Variants in ADGRL2 observed in about 807,000 individuals in gnomAD.
The protein encoded by ADGRL2 is calcium-independent alpha-latrotoxin receptor 2.
Under a neutral mutation model 157.4 loss-of-function variants are expected in ADGRL2, and 44 were observed. The ratio of observed to expected loss-of-function variants is 0.28; its 90% CI spans 0.22 to 0.36. The LOEUF is 0.36. Ranked by LOEUF, ADGRL2 falls within the 10% of genes least tolerant of loss-of-function variation. ADGRL2 has a pLI of 1.00. For synonymous variants in ADGRL2, 585 were observed against 624.7 expected, an observed-to-expected ratio of 0.94 and a Z score of 0.95; for missense variants, 1,510 against 1,768.9, an observed-to-expected ratio of 0.85 and a Z score of 2.63.
intron 1 of ADGRL2, among the ~76,000 whole-genome samples, chr1:81,344,618 A>T (rs770032158): frequency 1.7e-4 from 24 of 144,622 alleles, no homozygotes; most frequent in Non-Finnish European, 3.0e-4. Context: ...GTGAGCCGAG[A>T]TCATGCCATT....
chr1:81,825,506 G>C (rs1266584641), intron 1 of ADGRL2, among the ~76,000 whole-genome samples: 6 of 151,744 alleles, frequency 4.0e-5, no homozygotes, highest in African/African-American at 1.5e-4. Context: ...ACGCCACCAT[G>C]CCTAATTTTT....
Position 81,990,336 on chromosome 1 carries a change from G to C in ADGRL2, c.3656-55G>C, listed in dbSNP as rs576281092. 3 of 1,556,348 alleles carry C rather than the reference G, an allele frequency of 1.9e-6. No individual in the cohort carries two copies. The East Asian group carries it at 6.8e-5, about 35-fold the overall frequency. ...AAAAGTTTTGTACAAAAGAAATAGA[G>C]TTTCTGTGGAAAGGAACAGAGACAG... On this transcript the variant is annotated intron_variant, in intron 23 of 23. Transcript: ENST00000686636.
At chr1:81,364,933 A>G (rs1017626425) in intron 1 of ADGRL2, among the ~76,000 whole-genome samples, 2 of 152,024 alleles carry the variant, frequency 1.3e-5, no homozygotes, top group Non-Finnish European at 2.9e-5. Context: ...CAAAGTGCTG[A>G]GATTACAGGC....
At chr1:81,394,576 T>G (rs1238562108) in intron 1 of ADGRL2, among the ~76,000 whole-genome samples, 3 of 152,242 alleles carry the variant, frequency 2.0e-5, no homozygotes, top group Admixed American at 6.5e-5. Flanking sequence ...TATTCCGTTG[T>G]GTATATATAC....
intron 1 of ADGRL2, 71 bp from the exon 2 acceptor site, chr1:81,836,814 A>G (rs2092308561): frequency 2.1e-6 from 1 of 484,408 alleles, no homozygotes; most frequent in African/African-American, 2.0e-5. Flanking sequence ...GAGAGAGAGG[A>G]ACGGAGAGAG....
intron 3 of ADGRL2, among the ~76,000 whole-genome samples, chr1:81,661,717 A>G (rs1307606608): frequency 6.6e-6 from 1 of 152,230 alleles, no homozygotes; most frequent in Non-Finnish European, 1.5e-5. Flanking sequence ...AGTTTACACC[A>G]GTTGTCTAGT....
intron 2 of ADGRL2, among the ~76,000 whole-genome samples, chr1:81,777,837 A>G (rs749859845): frequency 9.8e-5 from 15 of 152,320 alleles, no homozygotes; most frequent in Non-Finnish European, 1.9e-4. Flanking sequence ...TAGCTCATGT[A>G]ACCTATGACC....
intron 2 of ADGRL2, among the ~76,000 whole-genome samples, chr1:81,782,104 G>A (rs1279127744): frequency 6.6e-6 from 1 of 152,150 alleles, no homozygotes; most frequent in Non-Finnish European, 1.5e-5. Flanking sequence ...AAATGGTTGG[G>A]CTTGGGCACC....
Position 81,608,103 on chromosome 1 carries a change from G to A in ADGRL2, c.-143+27123G>A, listed in dbSNP as rs142069511. Among the ~76,000 whole-genome samples the A allele has an allele frequency of 2.4e-3, 358 of 152,282 alleles. 3 individuals are homozygous for A. Among genetic ancestry groups the A allele is most frequent in the African/African-American group, 8.0e-3 (331 of 41,574 alleles). ...GGGTTTCACTGTACTGGCAACTCTC[G>A]TGGGTTCCTTTTTTCTGCTACACTG... On this transcript the variant is annotated intron_variant, in intron 3 of 24. Coordinates refer to the ADGRL2 transcript ENST00000370721.
chr1:81,319,227 G>A (rs61284002), intron 1 of ADGRL2, among the ~76,000 whole-genome samples: 32,047 of 151,696 alleles, frequency 0.21, 3,491 homozygotes, highest in Admixed American at 0.27. Flanking sequence ...GATTACAGGC[G>A]TGAGCCACCG....
intron 3 of ADGRL2, among the ~76,000 whole-genome samples, chr1:81,645,529 A>G (rs1443609638): frequency 1.3e-5 from 2 of 152,132 alleles, no homozygotes; most frequent in Non-Finnish European, 2.9e-5. Flanking sequence ...ATCATTATCC[A>G]GTTTGACTGT....
intron 1 of ADGRL2, among the ~76,000 whole-genome samples, chr1:81,380,339 G>C (rs1387210765): frequency 6.6e-6 from 1 of 152,018 alleles, no homozygotes; most frequent in Non-Finnish European, 1.5e-5. Context: ...ACGTAGAATG[G>C]GATATTCTTT....
At chr1:81,824,564 C>CT (rs1249136167) in intron 1 of ADGRL2, among the ~76,000 whole-genome samples, 1 of 152,208 alleles carries the variant, frequency 6.6e-6, no homozygotes, top group East Asian at 1.9e-4. Context: ...GCATGAGCCA[C>CT]TGCACCTGGC....
intron 2 of ADGRL2, among the ~76,000 whole-genome samples, chr1:81,562,246 G>A (rs924757213): frequency 6.6e-6 from 1 of 152,038 alleles, no homozygotes; most frequent in Non-Finnish European, 1.5e-5. Flanking sequence ...AATATAGATT[G>A]GTTAAAATTG....
chr1:81,784,018 T>A (rs989297484), intron 2 of ADGRL2, among the ~76,000 whole-genome samples: 6 of 152,196 alleles, frequency 3.9e-5, no homozygotes, highest in Admixed American at 6.5e-5. Context: ...TGAGCTTCCA[T>A]AACATGCTTA....
At chr1:81,611,938 A>G (rs1183035379) in intron 3 of ADGRL2, among the ~76,000 whole-genome samples, 1 of 151,708 alleles carries the variant, frequency 6.6e-6, no homozygotes, top group East Asian at 1.9e-4. Flanking sequence ...AGTTTCCCCC[A>G]TGCTCTCTCT....
At chr1:81,833,086 G>A (rs1226980691) in intron 1 of ADGRL2, among the ~76,000 whole-genome samples, 3 of 152,044 alleles carry the variant, frequency 2.0e-5, no homozygotes, top group African/African-American at 4.8e-5. Context: ...ACAGAAAAGC[G>A]GCTCTTGTTA....
chr1:81,526,901 A>G (rs1570391245), intron 2 of ADGRL2, among the ~76,000 whole-genome samples: 1 of 152,324 alleles, frequency 6.6e-6, no homozygotes, highest in East Asian at 1.9e-4. Flanking sequence ...TTATACTGCT[A>G]TGATGCCCTG....
intron 1 of ADGRL2, among the ~76,000 whole-genome samples, chr1:81,412,763 C>T (rs1046555452): frequency 6.6e-6 from 1 of 152,060 alleles, no homozygotes; most frequent in Admixed American, 6.6e-5. Context: ...TGGATGAATA[C>T]ATGGATGGAT....
Sources: gnomAD v4.1 joint callset for allele counts (sites outside exome capture counted in the v4.1 genomes callset) on GRCh38, gnomAD v4.1.1 for gene constraint, MANE v1.5 for transcripts, NCBI Gene and HGNC (gene_info 2026-07-23, HGNC 2026-07-21) for gene names.